The following TASOR variants were observed in gnomAD, a reference collection of about 807,000 sequenced individuals.
The protein encoded by TASOR is protein TASOR.
TASOR carries 53 observed loss-of-function variants against 178.6 expected under a neutral mutation model. The observed-to-expected ratio is 0.30, with a 90% confidence interval of 0.24 to 0.37. The LOEUF is 0.37. Ranked by LOEUF, TASOR falls within the 10% of genes least tolerant of loss-of-function variation. The probability of loss-of-function intolerance (pLI) is 1.00; values close to 1 mark genes in which losing one functional copy is unlikely to be tolerated. For synonymous variants in TASOR, 713 were observed against 696.2 expected, an observed-to-expected ratio of 1.02 and a Z score of -0.38; for missense variants, 1,815 against 1,971.4, an observed-to-expected ratio of 0.92 and a Z score of 1.50.
At chr3:56,671,164 C>A (rs1185494374) in intron 3 of TASOR, among the ~76,000 whole-genome samples, 1 of 151,762 alleles carries the variant, frequency 6.6e-6, no homozygotes, top group African/African-American at 2.4e-5. Context: ...CATGGTGATA[C>A]CCCGTCTCTA....
chr3:56,677,237 C>T (rs2031382671), intron 1 of TASOR, among the ~76,000 whole-genome samples: 2 of 152,116 alleles, frequency 1.3e-5, no homozygotes, highest in Non-Finnish European at 2.9e-5. Flanking sequence ...AATTATGGGT[C>T]ACTATTTGAG....
intron 15 of TASOR, among the ~76,000 whole-genome samples, chr3:56,640,496 C>T (rs3732512): frequency 0.35 from 52,965 of 151,714 alleles, 9,937 homozygotes; most frequent in East Asian, 0.49. Context: ...AACCCATGCC[C>T]CCGCCCCCCA....
Position 56,624,503 on chromosome 3 carries a change from T to C in TASOR, c.4459A>G (p.Asn1487Asp). The C allele has an allele frequency of 6.2e-7, 1 of 1,613,878 alleles. No homozygotes were observed. The highest frequency in any genetic ancestry group is 8.5e-7 in the Non-Finnish European group (1 of 1,179,946). ...TEENLPQLGA[N>D]ENLESQSALL... Reference sequence around the variant, plus strand: ...CCTGACTGCGACTCAAGATTCTCATTAGCACCAAGCTGTGGAAGGTTTTCT... The same window carrying C: ...CCTGACTGCGACTCAAGATTCTCATCAGCACCAAGCTGTGGAAGGTTTTCT... Residue 1487 changes from asparagine (N) to aspartate (D), a missense_variant, in exon 23 of 24, where the codon AAT (asparagine) becomes GAT (aspartate). This residue lies in a region of TASOR where 278 missense variants were observed against 257.1 expected (regional missense o/e 1.08). Transcript: ENST00000683822.
At chr3:56,631,590 T>TG (rs1553722209) in intron 18 of TASOR, among the ~76,000 whole-genome samples, 2 of 147,338 alleles carry the variant, frequency 1.4e-5, no homozygotes, top group African/African-American at 5.0e-5. Flanking sequence ...TTTTGTTTTT[T>TG]TTTTTTTTTT....
At chr3:56,665,165 A>C (rs2077680361) in intron 7 of TASOR, among the ~76,000 whole-genome samples, 1 of 151,926 alleles carries the variant, frequency 6.6e-6, no homozygotes, top group South Asian at 2.1e-4. Flanking sequence ...TTTGTCTCTA[A>C]AGAGGAAAAA....
chr3:56,641,841 A>AT, intron 14 of TASOR, 89 bp from the exon 15 acceptor site: 6 of 1,346,824 alleles, frequency 4.5e-6, no homozygotes, highest in Non-Finnish European at 6.0e-6. Context: ...ATTATCATAA[A>AT]GCATTTATGG....
chr3:56,633,015 G>C, intron 18 of TASOR, 29 bp downstream of exon 18: 6 of 1,481,352 alleles, frequency 4.1e-6, no homozygotes, highest in Non-Finnish European at 5.4e-6. Flanking sequence ...AGTTTGTACA[G>C]CATTACTATT....
Position 56,647,051 on chromosome 3 carries a change from A to T in TASOR, c.1686T>A (p.Phe562Leu), listed in dbSNP as rs750375965. ...SVVEKYVSEF[F>L]KRGFGSGKRE... is the part of the protein sequence containing the mutation. Reference sequence around the variant, plus strand: ...GTTTACCTGAACCAAAACCTCGCTTAAAAAATTCACTTACATACTTTTCAA... The same window carrying T: ...GTTTACCTGAACCAAAACCTCGCTTTAAAAATTCACTTACATACTTTTCAA... Residue 562 changes from phenylalanine (F) to leucine (L), a missense_variant, in exon 14 of 24, where the codon TTT (phenylalanine) becomes TTA (leucine). Physicochemically the swap from Phe to Leu is conservative, Grantham distance 22. Coordinates refer to ENST00000683822, the MANE Select transcript of TASOR (RefSeq NM_001365635.2). 1 of 1,603,770 alleles carries T rather than the reference A, an allele frequency of 6.2e-7. No homozygotes were observed. Among genetic ancestry groups the T allele is most frequent in the South Asian group, 1.1e-5 (1 of 88,282 alleles).
chr3:56,666,596 G>A (rs964185982), intron 6 of TASOR, among the ~76,000 whole-genome samples: 1 of 152,080 alleles, frequency 6.6e-6, no homozygotes, highest in Non-Finnish European at 1.5e-5. Flanking sequence ...TAAGATCCCA[G>A]AGTATTACTA....
chr3:56,633,382 G>C lies in TASOR; in HGVS notation c.3409C>G (p.Leu1137Val). The C allele has an allele frequency of 6.2e-7, 1 of 1,614,184 alleles. No homozygotes were observed. The highest frequency in any genetic ancestry group is 8.5e-7 in the Non-Finnish European group (1 of 1,180,030). The change falls in exon 18 of 24, where the codon CTG (leucine) becomes GTG (valine). Residue 1137 changes from leucine to valine, a missense_variant. Leu to Val is a conservative substitution (Grantham distance 32). This residue lies in a region of TASOR where 655 missense variants were observed against 671.1 expected (regional missense o/e 0.98). Coordinates refer to ENST00000683822, the MANE Select transcript of TASOR (RefSeq NM_001365635.2). ...DFNNKHLLEP[L>V]CSDPLKDTNS... is the part of the protein sequence containing the mutation. ...GTATCTTTCAAAGGATCACTACACA[G>C]TGGCTCAAGGAGATGTTTATTGTTG...
chr3:56,646,601 C>T lies in TASOR; in HGVS notation c.2136G>A (p.Arg712=). ...EDMRSKTVLK[R]KLEDLPENMR... ...TATTTTCAGGTAGATCCTCAAGCTT[C>T]CTCTTCAAGACAGTTTTGCTTCTCA... Residue 712 remains arginine (R), a synonymous_variant, in exon 14 of 24, where the codon AGG becomes AGA. Transcript: ENST00000683822. 6.2e-7 allele frequency: 1 copy of T among 1,613,260 alleles called. No homozygotes were observed. The highest frequency in any genetic ancestry group is 8.5e-7 in the Non-Finnish European group (1 of 1,179,966).
Position 56,640,138 on chromosome 3 carries a change from T to C in TASOR, c.2620-8A>G. The C allele has an allele frequency of 1.9e-6, 3 of 1,611,226 alleles. No homozygotes were observed. Among genetic ancestry groups the C allele is most frequent in the Non-Finnish European group, 2.5e-6 (3 of 1,178,376 alleles). On this transcript the variant is annotated splice_region_variant and splice_polypyrimidine_tract_variant and intron_variant, in intron 15 of 23. Coordinates refer to ENST00000683822, the MANE Select transcript of TASOR (RefSeq NM_001365635.2). ...GCTAATTAAATTTGGATCCTAAAAA[T>C]CAAAGTACACACTGAATAGCTTTAT... is the stretch of plus-strand genomic sequence containing the variant.
intron 16 of TASOR, 49 bp from the exon 17 acceptor site, chr3:56,638,814 C>T: frequency 6.4e-7 from 1 of 1,569,802 alleles, no homozygotes; most frequent in South Asian, 1.1e-5. Flanking sequence ...GTGATACCTA[C>T]ACTAAGCACC....
chr3:56,679,717 A>G (rs1395159409), intron 1 of TASOR, among the ~76,000 whole-genome samples: 1 of 152,158 alleles, frequency 6.6e-6, no homozygotes, highest in Admixed American at 6.6e-5. Context: ...TTTCCCAAGA[A>G]CTTTGGAGGG....
At chr3:56,679,725 G>C (rs895699907) in intron 1 of TASOR, among the ~76,000 whole-genome samples, 2 of 152,094 alleles carry the variant, frequency 1.3e-5, no homozygotes, top group Non-Finnish European at 2.9e-5. Context: ...GAACTTTGGA[G>C]GGAAAAATTA....
At chr3:56,673,856 T>C (rs2030993176) in intron 1 of TASOR, 131 bp from the exon 2 acceptor site, 1 of 751,382 alleles carries the variant, frequency 1.3e-6, no homozygotes, top group Non-Finnish European at 2.1e-6. Flanking sequence ...TACTTTGTGA[T>C]ACGCAAAAGA....
chr3:56,649,387 CAT>C (rs1341345483), intron 11 of TASOR, among the ~76,000 whole-genome samples: 4 of 152,178 alleles, frequency 2.6e-5, no homozygotes, highest in African/African-American at 9.7e-5. Context: ...GTTCAAAAGA[CAT>C]GTTTATTAAT....
chr3:56,633,897 A>T lies in TASOR; in HGVS notation c.2894T>A (p.Val965Glu). 6.3e-7 allele frequency: 1 copy of T among 1,585,716 alleles called. No homozygotes were observed. The highest frequency in any genetic ancestry group is 8.6e-7 in the Non-Finnish European group (1 of 1,165,008). Residue 965 changes from valine (V) to glutamate (E), a missense_variant, in exon 18 of 24, where the codon GTA becomes GAA. Transcript: ENST00000683822. ...ATCAGAACTTCTCTGTCTATTTATT[A>T]CCCGGGGGTCGTTAGGAAAGGCCTC... ...PQEAFPNDPR[V>E]INRQRSSDYQ...
chr3:56,646,456 C>T, intron 14 of TASOR, 66 bp downstream of exon 14: 2 of 1,346,906 alleles, frequency 1.5e-6, no homozygotes, highest in South Asian at 2.8e-5. Context: ...TTATACGCCC[C>T]TCTGCTACAA....
Sources: gnomAD v4.1 joint callset for allele counts (sites outside exome capture counted in the v4.1 genomes callset) on GRCh38, gnomAD v4.1.1 for gene constraint, gnomAD v4.1.1 regional missense constraint, MANE v1.5 for transcripts, NCBI Gene and HGNC (gene_info 2026-07-23, HGNC 2026-07-21) for gene names.